COX7B2: variants seen among roughly 807,000 people sequenced by gnomAD.
COX7B2 encodes the protein cytochrome c oxidase subunit 7B2, mitochondrial.
For missense variants in COX7B2, 109 were observed against 95.9 expected (o/e 1.14, Z -0.57); for synonymous variants, 37 against 32.1 (o/e 1.15, Z -0.51).
At chr4:46,783,246 A>G (rs941976354) in intron 2 of COX7B2, among the ~76,000 whole-genome samples, 1 of 152,256 alleles carries the variant, frequency 6.6e-6, no homozygotes, top group Non-Finnish European at 1.5e-5. Context: ...CAGAAACCTT[A>G]CAGGCTGGAA....
chr4:46,837,251 TGTA>T (rs1241711337), intron 2 of COX7B2, among the ~76,000 whole-genome samples: 6 of 146,584 alleles, frequency 4.1e-5, no homozygotes, highest in Non-Finnish European at 6.0e-5. Flanking sequence ...ATGGATAAAA[TGTA>T]GTATGAACAC....
chr4:46,782,341 G>A (rs960460796), intron 2 of COX7B2, among the ~76,000 whole-genome samples: 3 of 151,918 alleles, frequency 2.0e-5, no homozygotes, highest in African/African-American at 7.3e-5. Flanking sequence ...TCTAGCTCAA[G>A]GTTTGTAAAT....
intron 2 of COX7B2, among the ~76,000 whole-genome samples, chr4:46,773,062 AT>A (rs1474274331): frequency 6.6e-6 from 1 of 152,210 alleles, no homozygotes; most frequent in Non-Finnish European, 1.5e-5. Context: ...TTCAATGAAA[AT>A]ATACATATTC....
At chr4:46,783,940 G>C (rs1717614513) in intron 2 of COX7B2, among the ~76,000 whole-genome samples, 1 of 152,136 alleles carries the variant, frequency 6.6e-6, no homozygotes, top group South Asian at 2.1e-4. Flanking sequence ...CTTCTACTAA[G>C]GCGAGTCCTG....
At chr4:46,870,803 T>C (rs1055171560) in intron 1 of COX7B2, among the ~76,000 whole-genome samples, 1 of 151,950 alleles carries the variant, frequency 6.6e-6, no homozygotes, top group Non-Finnish European at 1.5e-5. Flanking sequence ...ATCTCTACAA[T>C]GAGAATTCCA....
At chr4:46,769,349 A>G (rs936320119) in intron 2 of COX7B2, among the ~76,000 whole-genome samples, 1 of 152,222 alleles carries the variant, frequency 6.6e-6, no homozygotes, top group Non-Finnish European at 1.5e-5. Flanking sequence ...CAAGTTAAAA[A>G]GAACAATAAA....
intron 2 of COX7B2, among the ~76,000 whole-genome samples, chr4:46,782,909 G>A (rs1427365655): frequency 6.6e-6 from 1 of 152,202 alleles, no homozygotes; most frequent in Admixed American, 6.5e-5. Context: ...TTTAAGAACT[G>A]TAACACTCAC....
chr4:46,871,324 C>A (rs1717977465), intron 1 of COX7B2, among the ~76,000 whole-genome samples: 1 of 152,096 alleles, frequency 6.6e-6, no homozygotes, highest in Non-Finnish European at 1.5e-5. Flanking sequence ...TTTCTTACAC[C>A]ATATACAAAA....
chr4:46,789,301 TAA>T (rs2109579478), intron 2 of COX7B2, among the ~76,000 whole-genome samples: 1 of 152,240 alleles, frequency 6.6e-6, no homozygotes, highest in African/African-American at 2.4e-5. Context: ...TCAAAACAAG[TAA>T]AACAAGTCTA....
intron 1 of COX7B2, among the ~76,000 whole-genome samples, chr4:46,896,888 T>C (rs1251125477): frequency 2.0e-5 from 3 of 152,236 alleles, no homozygotes; most frequent in Non-Finnish European, 4.4e-5. Context: ...GCATTTTCTT[T>C]GCAACCCAAA....
intron 2 of COX7B2, among the ~76,000 whole-genome samples, chr4:46,840,190 G>A (rs1364842289): frequency 2.0e-5 from 3 of 151,982 alleles, no homozygotes; most frequent in South Asian, 4.1e-4. Context: ...TTCCAGGAAT[G>A]AGAAAGGAGG....
intron 2 of COX7B2, among the ~76,000 whole-genome samples, chr4:46,811,619 T>A (rs1257465748): frequency 6.6e-6 from 1 of 152,188 alleles, no homozygotes; most frequent in Non-Finnish European, 1.5e-5. Context: ...ATTTCCTTTT[T>A]AGGCAATTTG....
intron 2 of COX7B2, among the ~76,000 whole-genome samples, chr4:46,781,872 G>A (rs774494889): frequency 2.6e-5 from 4 of 152,150 alleles, no homozygotes; most frequent in Non-Finnish European, 4.4e-5. Flanking sequence ...ACCTGCCCAC[G>A]CGGGCCTCAG....
intron 2 of COX7B2, among the ~76,000 whole-genome samples, chr4:46,789,337 C>T (rs1577706743): frequency 1.3e-5 from 2 of 152,126 alleles, no homozygotes; most frequent in East Asian, 1.9e-4. Context: ...TATAGAAGAC[C>T]AATATTATGC....
intron 1 of COX7B2, among the ~76,000 whole-genome samples, chr4:46,898,590 T>A (rs1427029025): frequency 9.9e-5 from 15 of 152,002 alleles, no homozygotes; most frequent in Non-Finnish European, 2.1e-4. Context: ...GCTAATTTTT[T>A]ATTTTTTTAT....
chr4:46,753,358 C>T (rs1339005995), intron 2 of COX7B2, among the ~76,000 whole-genome samples: 1 of 151,734 alleles, frequency 6.6e-6, no homozygotes, highest in African/African-American at 2.4e-5. Flanking sequence ...TTGATCTTTT[C>T]AAAAAACCAG....
intron 2 of COX7B2, among the ~76,000 whole-genome samples, chr4:46,772,422 G>A (rs930169102): frequency 6.6e-6 from 1 of 152,114 alleles, no homozygotes; most frequent in Non-Finnish European, 1.5e-5. Flanking sequence ...AATTTGCTGA[G>A]AGTAGATCTT....
intron 2 of COX7B2, among the ~76,000 whole-genome samples, chr4:46,763,393 G>A (rs994032674): frequency 6.6e-6 from 1 of 151,156 alleles, no homozygotes; most frequent in Non-Finnish European, 1.5e-5. Context: ...GCAGGCCCAA[G>A]TGTTGAATCC....
At chr4:46,759,183 A>G (rs1715979514) in intron 2 of COX7B2, among the ~76,000 whole-genome samples, 1 of 152,146 alleles carries the variant, frequency 6.6e-6, no homozygotes. Context: ...TCTACGGAAA[A>G]TGAGGAGCTC....
Sources: allele counts gnomAD v4.1 joint callset (sites outside exome capture counted in the v4.1 genomes callset), GRCh38; gene constraint gnomAD v4.1.1; transcripts MANE v1.5; gene names NCBI Gene and HGNC (gene_info 2026-07-23, HGNC 2026-07-21).